Variants in KCNQ1 observed in about 807,000 individuals in gnomAD.
KCNQ1 encodes potassium voltage-gated channel subfamily Q member 1.
In KCNQ1, 49 loss-of-function variants were observed where a neutral mutation model predicts 72.4. The ratio of observed to expected loss-of-function variants is 0.68; its 90% CI spans 0.54 to 0.86. KCNQ1 has a LOEUF of 0.86. Ranked by LOEUF, KCNQ1 falls within the 40% of genes least tolerant of loss-of-function variation. KCNQ1 has a pLI of 0.00. For missense variants in KCNQ1, 790 were observed against 945.1 expected (o/e 0.84, Z 2.15); for synonymous variants, 450 against 412.6 (o/e 1.09, Z -1.10).
intron 7 of KCNQ1, 40 bp from the exon 8 acceptor site, chr11:2,585,172 G>A (rs1435550733): frequency 6.4e-7 from 1 of 1,558,290 alleles, no homozygotes; most frequent in Non-Finnish European, 8.9e-7. Context: ...AGCTGGCAGT[G>A]GCCTGTGTGG....
Position 2,550,781 on chromosome 11 carries a change from C to T in KCNQ1, c.478-19847C>T, listed in dbSNP as rs1048150223. On this transcript the variant is annotated intron_variant, in intron 2 of 15. Transcript: ENST00000155840. The surrounding 1 kb of genome is among the most constrained non-coding windows in gnomAD (Gnocchi z 6.0). ...ACCAGAGCGCAAATAGGGCTGGAGT[C>T]CCGAGTACAAGGCATGGACAGGAGC... is the stretch of plus-strand genomic sequence containing the variant. Among the ~76,000 whole-genome samples the T allele has an allele frequency of 1.3e-5, 2 of 152,110 alleles. No homozygotes were observed. The highest frequency in any genetic ancestry group is 4.8e-5 in the African/African-American group (2 of 41,412).
Position 2,621,489 on chromosome 11 carries a change from C to G in KCNQ1, c.1393+32635C>G. Reference sequence around the variant, plus strand: ...GTTTGCAAATATTTTTTCTCCCATTCTATATGTTGTCTGTTTACTCTGTTG... The same window carrying G: ...GTTTGCAAATATTTTTTCTCCCATTGTATATGTTGTCTGTTTACTCTGTTG... On this transcript the variant is annotated intron_variant, in intron 10 of 15. Transcript: ENST00000155840. The surrounding 1 kb of genome is among the most constrained non-coding windows in gnomAD (Gnocchi z 5.7). The G allele has an allele frequency of 2.5e-6, 1 of 398,518 alleles. No individual in the cohort carries two copies. The allele number at this position is 398,518 out of a possible 1,614,324, so 24.7% of individuals were successfully genotyped here.
At chr11:2,469,366 C>A (rs375600148) in intron 1 of KCNQ1, among the ~76,000 whole-genome samples, 2 of 151,934 alleles carry the variant, frequency 1.3e-5, no homozygotes, top group Non-Finnish European at 2.9e-5. Flanking sequence ...CTCTGCCTCC[C>A]GGGTTCAAGT....
chr11:2,776,037 C>G lies in KCNQ1; in HGVS notation c.1668C>G (p.Ile556Met). ...GCCACCTCAACCTCATGGTGCGCAT[C>G]AAGGAGCTGCAGAGGAGGTGGGCAC... ...SQGHLNLMVR[I>M]KELQRRLDQS... Residue 556 changes from isoleucine (I) to methionine (M), a missense_variant, in exon 13 of 16, where the codon ATC (isoleucine) becomes ATG (methionine). By Grantham distance (10) the Ile-to-Met change is conservative. Coordinates refer to ENST00000155840, the MANE Select transcript of KCNQ1 (RefSeq NM_000218.3). 6.4e-7 allele frequency: 1 copy of G among 1,564,704 alleles called. No individual in the cohort carries two copies.
chr11:2,780,969 C>A (rs900749891), intron 15 of KCNQ1, among the ~76,000 whole-genome samples: 1 of 152,190 alleles, frequency 6.6e-6, no homozygotes, highest in Non-Finnish European at 1.5e-5. Flanking sequence ...TGTGCCTGTC[C>A]TGGTGGCTTA....
chr11:2,842,495 C>T (rs1409201813), intron 15 of KCNQ1, among the ~76,000 whole-genome samples: 1 of 152,186 alleles, frequency 6.6e-6, no homozygotes, highest in Non-Finnish European at 1.5e-5. Flanking sequence ...ACACAAAGGC[C>T]CAGGGGCCTG....
intron 1 of KCNQ1, among the ~76,000 whole-genome samples, chr11:2,489,794 G>A (rs921653964): frequency 1.3e-5 from 2 of 152,170 alleles, no homozygotes; most frequent in Non-Finnish European, 2.9e-5. Context: ...CCACTGCCTT[G>A]GAGGGAAGGA....
Position 2,803,296 on chromosome 11 carries a change from G to C in KCNQ1, c.1794+25259G>C, listed in dbSNP as rs1315802642. Among the ~76,000 whole-genome samples the C allele has an allele frequency of 6.6e-6, 1 of 152,248 alleles. No homozygotes were observed. Among genetic ancestry groups the C allele is most frequent in the Non-Finnish European group, 1.5e-5 (1 of 68,028 alleles). The stretch of plus-strand genomic sequence containing the variant: ...AGGAAAAAATAGGGCCCCGGAGTCA[G>C]CAAGGGCTTCCTGGGGGCCCAGGTC... On this transcript the variant is annotated intron_variant, in intron 15 of 15. Transcript: ENST00000155840. The surrounding 1 kb of genome is among the most constrained non-coding windows in gnomAD (Gnocchi z 6.4).
At position 2,654,722 on chromosome 11, in the gene KCNQ1, C is replaced by T; in HGVS notation, c.1394-7239C>T. The T allele has an allele frequency of 2.5e-6, 1 of 398,630 alleles. No homozygotes were observed. The highest frequency in any genetic ancestry group is 2.1e-5 in the African/African-American group (1 of 48,668). The allele number at this position is 398,630 out of a possible 1,614,324, so 24.7% of individuals were successfully genotyped here. ...GCTGGACTTGGGGCTTGAATGCTGACCTAATCTGGGCAGGGAGGGGTCTGG... is the reference window on the plus strand; with the variant it reads ...GCTGGACTTGGGGCTTGAATGCTGATCTAATCTGGGCAGGGAGGGGTCTGG... On this transcript the variant is annotated intron_variant, in intron 10 of 15. Transcript: ENST00000155840. This position sits in a 1 kb window ranked among gnomAD's most constrained non-coding sequence, Gnocchi z 6.4.
chr11:2,577,568 C>G (rs371163990), intron 6 of KCNQ1, among the ~76,000 whole-genome samples: 1 of 152,210 alleles, frequency 6.6e-6, no homozygotes, highest in Non-Finnish European at 1.5e-5. Context: ...GACGGGGAGG[C>G]CTGGCCCTCG....
chr11:2,454,484 G>A (rs1482270473), intron 1 of KCNQ1, among the ~76,000 whole-genome samples: 2 of 152,040 alleles, frequency 1.3e-5, no homozygotes, highest in East Asian at 1.9e-4. Flanking sequence ...TATTTCTAGC[G>A]GGTTACTGCT....
At position 2,714,959 on chromosome 11, in the gene KCNQ1, G is replaced by C. The variant is rs575956968; in HGVS notation, c.1514+52878G>C. Among the ~76,000 whole-genome samples the C allele has an allele frequency of 3.9e-5, 6 of 152,150 alleles. No individual in the cohort carries two copies. In the South Asian group the frequency reaches 1.2e-3, roughly 32 times the overall value. ...CTAATGGGGGCACAAAGCCAGGGGGGAGCCTGCAGGAGGGGCCTAGCCAGG... is the reference window on the plus strand; with the variant it reads ...CTAATGGGGGCACAAAGCCAGGGGGCAGCCTGCAGGAGGGGCCTAGCCAGG... On this transcript the variant is annotated intron_variant, in intron 11 of 15. Transcript: ENST00000155840.
chr11:2,824,718 C>A lies in KCNQ1; in HGVS notation c.1795-23049C>A, dbSNP rs550426332. Among the ~76,000 whole-genome samples the A allele has an allele frequency of 2.2e-4, 33 of 152,258 alleles. 1 individual carries two copies. In the South Asian group the frequency reaches 6.8e-3, roughly 32 times the overall value. Reference sequence around the variant, plus strand: ...GCAGCTGGGGGTGGCGGGAAGAAGACAGTCAGGAGCTTGGGCATCCTAGAG... The same window carrying A: ...GCAGCTGGGGGTGGCGGGAAGAAGAAAGTCAGGAGCTTGGGCATCCTAGAG... On this transcript the variant is annotated intron_variant, in intron 15 of 15. Transcript: ENST00000155840. The surrounding 1 kb of genome is among the most constrained non-coding windows in gnomAD (Gnocchi z 5.9).
Position 2,626,702 on chromosome 11 carries a change from T to A in KCNQ1, c.1394-35259T>A, listed in dbSNP as rs193059507. On this transcript the variant is annotated intron_variant, in intron 10 of 15. Transcript: ENST00000155840. The surrounding 1 kb of genome is among the most constrained non-coding windows in gnomAD (Gnocchi z 4.0). The stretch of plus-strand genomic sequence containing the variant: ...TACCATTACACCTGGCCAATTATTT[T>A]ATTTTTTGTAGAGATGAGGTCTCCC... 2.0e-4 allele frequency: 81 copies of A among 396,750 alleles called. No individual in the cohort carries two copies. The highest frequency in any genetic ancestry group is 1.5e-3 in the African/African-American group (73 of 47,102). The allele number at this position is 396,750 out of a possible 1,614,324, so 24.6% of individuals were successfully genotyped here. A position where few individuals can be genotyped will look rare whatever the true frequency, so the allele number is the denominator to read the frequency against.
chr11:2,742,764 G>C (rs891486339), intron 11 of KCNQ1, among the ~76,000 whole-genome samples: 26 of 152,240 alleles, frequency 1.7e-4, no homozygotes, highest in African/African-American at 6.0e-4. Context: ...CCATGCGCGG[G>C]GGCCCGCTGT....
Position 2,723,643 on chromosome 11 carries a change from C to A in KCNQ1, c.1515-45201C>A, listed in dbSNP as rs528313870. ...GAAGTAGCAACAGCCTCGAATCCCT[C>A]ACACCTAGCGGTTGGCTGGGCAGGT... On this transcript the variant is annotated intron_variant, in intron 11 of 15. Transcript: ENST00000155840. This position sits in a 1 kb window ranked among gnomAD's most constrained non-coding sequence, Gnocchi z 4.2. Among the ~76,000 whole-genome samples, 3 of 152,216 alleles carry A rather than the reference C, an allele frequency of 2.0e-5. No individual in the cohort carries two copies. The highest frequency in any genetic ancestry group is 4.4e-5 in the Non-Finnish European group (3 of 68,034).
chr11:2,842,611 C>T (rs977242441), intron 15 of KCNQ1, among the ~76,000 whole-genome samples: 2 of 152,216 alleles, frequency 1.3e-5, no homozygotes, highest in Admixed American at 6.5e-5. Flanking sequence ...GTGGTTCCTG[C>T]CTTCTTGCAC....
chr11:2,696,929 T>G, intron 11 of KCNQ1: 3 of 398,590 alleles, frequency 7.5e-6, no homozygotes, highest in Non-Finnish European at 1.3e-5. Flanking sequence ...CCAAAACCTC[T>G]CTGAAATCTG....
At chr11:2,786,100 A>G (rs1260387018) in intron 15 of KCNQ1, among the ~76,000 whole-genome samples, 1 of 152,086 alleles carries the variant, frequency 6.6e-6, no homozygotes, top group Non-Finnish European at 1.5e-5. Context: ...TTACCTTTTT[A>G]TGTGACTGAG....
Sources: allele counts gnomAD v4.1 joint callset (sites outside exome capture counted in the v4.1 genomes callset), GRCh38; gene constraint gnomAD v4.1.1; non-coding constraint Gnocchi (gnomAD v3.1); transcripts MANE v1.5; gene names NCBI Gene and HGNC (gene_info 2026-07-23, HGNC 2026-07-21).